PCBP3: variants seen among roughly 807,000 people sequenced by gnomAD.
PCBP3 encodes the protein poly(rC)-binding protein 3.
PCBP3 carries 25 observed loss-of-function variants against 52.7 expected under a neutral mutation model. The ratio of observed to expected loss-of-function variants is 0.47; its 90% CI spans 0.35 to 0.66. The LOEUF is 0.66. Ranked by LOEUF, PCBP3 falls within the 30% of genes least tolerant of loss-of-function variation. The pLI, the probability that PCBP3 is intolerant of heterozygous loss-of-function variation, is 0.01. For missense variants in PCBP3, 391 were observed against 490.3 expected (o/e 0.80, Z 1.91); for synonymous variants, 162 against 183.0 (o/e 0.89, Z 0.93).
intron 1 of PCBP3, among the ~76,000 whole-genome samples, chr21:45,665,788 A>C (rs2080757542): frequency 6.6e-6 from 1 of 152,200 alleles, no homozygotes; most frequent in South Asian, 2.1e-4. Context: ...GTATTACCCC[A>C]AAACCAAAGC....
intron 1 of PCBP3, among the ~76,000 whole-genome samples, chr21:45,649,812 T>G (rs933670618): frequency 6.6e-6 from 1 of 152,134 alleles, no homozygotes; most frequent in African/African-American, 2.4e-5. Flanking sequence ...TTTGGTAGAT[T>G]CCTTTATTAG....
intron 2 of PCBP3, among the ~76,000 whole-genome samples, chr21:45,697,767 A>AG (rs2082873813): frequency 6.6e-6 from 1 of 152,120 alleles, no homozygotes; most frequent in Admixed American, 6.5e-5. Context: ...AAAAAAAAAA[A>AG]AAAATTACAA....
At chr21:45,693,252 T>A (rs930329704) in intron 2 of PCBP3, among the ~76,000 whole-genome samples, 6 of 152,182 alleles carry the variant, frequency 3.9e-5, no homozygotes, top group Non-Finnish European at 7.4e-5. Context: ...TCTTGCCACT[T>A]CTCTTCAACA....
At chr21:45,762,269 G>A (rs1355023054) in intron 4 of PCBP3, 1 of 152,168 alleles carries the variant, frequency 6.6e-6, no homozygotes, top group Non-Finnish European at 1.5e-5. Flanking sequence ...CTCCCCACAG[G>A]GCTGCGTGCG....
chr21:45,893,877 C>G (rs940238549), intron 5 of PCBP3: 1 of 985,242 alleles, frequency 1.0e-6, no homozygotes, highest in Non-Finnish European at 1.2e-6. Flanking sequence ...CTGCTGCAGG[C>G]TCTACTTCAG....
intron 5 of PCBP3, among the ~76,000 whole-genome samples, chr21:45,875,272 G>C (rs910096245): frequency 6.6e-6 from 1 of 151,828 alleles, no homozygotes; most frequent in African/African-American, 2.4e-5. Context: ...GACTCACTGG[G>C]GCTGGGGGCC....
intron 4 of PCBP3, among the ~76,000 whole-genome samples, chr21:45,834,359 C>G (rs1199255279): frequency 6.6e-6 from 1 of 152,218 alleles, no homozygotes; most frequent in Non-Finnish European, 1.5e-5. Flanking sequence ...TGACTAAATG[C>G]TTTCCTAGAG....
rs1221531593 is a variant in PCBP3, at chr21:45,928,878, C to T, written c.718-1039C>T. Among the ~76,000 whole-genome samples, 2 of 152,134 alleles carry T rather than the reference C, an allele frequency of 1.3e-5. No homozygotes were observed. The highest frequency in any genetic ancestry group is 2.9e-5 in the Non-Finnish European group (2 of 68,000). On this transcript the variant is annotated intron_variant, in intron 13 of 17. Transcript: ENST00000681687. This position sits in a 1 kb window ranked among gnomAD's most constrained non-coding sequence, Gnocchi z 4.1. ...CTCCCCAAATGTGCCACCTCCCCTG[C>T]CTGCTGGGCAGCACCACAGAGGAGC...
At chr21:45,857,049 C>T (rs1224208987) in intron 5 of PCBP3, among the ~76,000 whole-genome samples, 2 of 152,154 alleles carry the variant, frequency 1.3e-5, no homozygotes, top group East Asian at 3.9e-4. Context: ...TAGAGACAGT[C>T]GATGACAAAT....
rs1439021658 is a variant in PCBP3 at position 45,663,229 on chromosome 21, G to A, written c.-278-5645G>A. Among the ~76,000 whole-genome samples, 5 of 152,210 alleles carry A rather than the reference G, an allele frequency of 3.3e-5. No homozygotes were observed. The East Asian group carries it at 7.7e-4, about 24-fold the overall frequency. On this transcript the variant is annotated intron_variant, in intron 1 of 17. Coordinates refer to ENST00000681687, the MANE Select transcript of PCBP3 (RefSeq NM_001384156.1). ...GAAGGGCCCCCTGTCCAGTGAACAC[G>A]TGACCCACGTGACCTTACCTATCAT...
At chr21:45,920,438 C>G (rs1299777479) in intron 13 of PCBP3, among the ~76,000 whole-genome samples, 1 of 152,198 alleles carries the variant, frequency 6.6e-6, no homozygotes. Flanking sequence ...GGTAGTTGTG[C>G]AGATTGTTTC....
At position 45,911,019 on chromosome 21, in the gene PCBP3, G is replaced by A; in HGVS notation, c.589G>A (p.Val197Ile). The A allele has an allele frequency of 6.2e-7, 1 of 1,610,714 alleles. No homozygotes were observed. The stretch of plus-strand genomic sequence containing the variant: ...CCAGTGCGTCAAGCAGATCTGTGTG[G>A]TCATGCTGGAGGTACCGTCTGCGCG... ...IIQCVKQICV[V>I]MLESPPKGAT... The change falls in exon 11 of 18, where the codon GTC (valine) becomes ATC (isoleucine). Residue 197 changes from valine (V) to isoleucine (I), a missense_variant. Val to Ile is a conservative substitution (Grantham distance 29, BLOSUM62 3). Coordinates refer to ENST00000681687, the MANE Select transcript of PCBP3 (RefSeq NM_001384156.1).
intron 4 of PCBP3, among the ~76,000 whole-genome samples, chr21:45,833,478 G>T (rs1338064510): frequency 2.6e-5 from 4 of 152,180 alleles, no homozygotes; most frequent in African/African-American, 9.7e-5. Context: ...ACTTTCCCAC[G>T]TTGGCCCCTG....
intron 2 of PCBP3, among the ~76,000 whole-genome samples, chr21:45,714,651 A>G (rs2084089046): frequency 1.3e-5 from 2 of 152,246 alleles, no homozygotes; most frequent in African/African-American, 2.4e-5. Flanking sequence ...GAAAGGATAT[A>G]AGTATATGAA....
rs375121780 is a variant in PCBP3, at chr21:45,689,262, G to C, written c.-200+20310G>C. On this transcript the variant is annotated intron_variant, in intron 2 of 17. Coordinates refer to ENST00000681687, the MANE Select transcript of PCBP3 (RefSeq NM_001384156.1). ...GGTAGATAAGCCATCAGGACCAAAT[G>C]GGGTTCAACCTAGGAATGCAAGGTT... Among the ~76,000 whole-genome samples the C allele has an allele frequency of 2.0e-5, 3 of 152,084 alleles. No individual in the cohort carries two copies. In the South Asian group the frequency reaches 6.2e-4, roughly 32 times the overall value.
rs377474634 is a variant in PCBP3 at position 45,924,273 on chromosome 21, G to A, written c.718-5644G>A. On this transcript the variant is annotated intron_variant, in intron 13 of 17. Transcript: ENST00000681687. Reference sequence around the variant, plus strand: ...GGATAGAAACAGCACACGTAAGATCGGGTGTGCGTGAGGAGATGCGAACAC... The same window carrying A: ...GGATAGAAACAGCACACGTAAGATCAGGTGTGCGTGAGGAGATGCGAACAC... Among the ~76,000 whole-genome samples the A allele has an allele frequency of 1.4e-4, 21 of 147,092 alleles. No individual in the cohort carries two copies. The East Asian group carries it at 1.7e-3, about 12-fold the overall frequency.
chr21:45,760,393 A>G (rs1603396793), intron 4 of PCBP3: 1 of 152,252 alleles, frequency 6.6e-6, no homozygotes, highest in South Asian at 2.1e-4. Flanking sequence ...GTTGTCTTCT[A>G]TGGAAAGTCC....
intron 9 of PCBP3, among the ~76,000 whole-genome samples, chr21:45,906,888 C>T (rs1026413296): frequency 1.1e-4 from 16 of 152,118 alleles, no homozygotes; most frequent in African/African-American, 3.4e-4. Context: ...GAAAACACGG[C>T]GGGTGATTTG....
At chr21:45,661,934 A>C (rs958578862) in intron 1 of PCBP3, among the ~76,000 whole-genome samples, 11 of 152,066 alleles carry the variant, frequency 7.2e-5, no homozygotes, top group Admixed American at 2.6e-4. Context: ...GGCCATTTGT[A>C]TATCTTTTGA....
Sources: allele counts gnomAD v4.1 joint callset (sites outside exome capture counted in the v4.1 genomes callset), GRCh38; gene constraint gnomAD v4.1.1; non-coding constraint Gnocchi (gnomAD v3.1); transcripts MANE v1.5; gene names NCBI Gene and HGNC (gene_info 2026-07-23, HGNC 2026-07-21).